The following ZFPM2 variants were observed in gnomAD, a reference collection of about 807,000 sequenced individuals.
ZFPM2 encodes the protein zinc finger protein ZFPM2.
ZFPM2 carries 20 observed loss-of-function variants against 98.6 expected under a neutral mutation model. The ratio of observed to expected loss-of-function variants is 0.20; its 90% CI spans 0.14 to 0.29. ZFPM2 has a LOEUF of 0.29. Ranked by LOEUF, ZFPM2 falls within the 10% of genes least tolerant of loss-of-function variation. The pLI is 1.00. For synonymous variants in ZFPM2, 518 were observed against 502.7 expected, an observed-to-expected ratio of 1.03 and a Z score of -0.41; for missense variants, 1,310 against 1,388.6, an observed-to-expected ratio of 0.94 and a Z score of 0.90.
chr8:105,414,878 AT>A (rs148437526), intron 1 of ZFPM2: 13,198 of 152,172 alleles, frequency 0.087, 696 homozygotes, highest in South Asian at 0.15. Flanking sequence ...ACTGCAGATC[AT>A]TGAAACAACC....
rs183174499 is a variant in ZFPM2, at chr8:105,713,189, C to T, written c.533-75529C>T. Reference sequence around the variant, plus strand: ...ATTCCTTTTTTCTTCATAGTCTCCCCGGCATGTTATTTTTTGACTTTTTAA... The same window carrying T: ...ATTCCTTTTTTCTTCATAGTCTCCCTGGCATGTTATTTTTTGACTTTTTAA... On this transcript the variant is annotated intron_variant, in intron 5 of 7. Coordinates refer to ENST00000407775, the MANE Select transcript of ZFPM2 (RefSeq NM_012082.4). 5.3e-5 allele frequency among the ~76,000 whole-genome samples: 8 copies of T among 151,948 alleles called. No homozygotes were observed. In the East Asian group the frequency reaches 5.8e-4, roughly 11 times the overall value.
chr8:105,651,331 G>C (rs770527202), intron 5 of ZFPM2, among the ~76,000 whole-genome samples: 1 of 151,990 alleles, frequency 6.6e-6, no homozygotes, highest in African/African-American at 2.4e-5. Flanking sequence ...AGCCGGGTGT[G>C]GTGGCGGGCA....
intron 4 of ZFPM2, among the ~76,000 whole-genome samples, chr8:105,631,183 A>C (rs1179372787): frequency 6.6e-6 from 1 of 152,184 alleles, no homozygotes. Context: ...CCCTTATTCC[A>C]TCTCCCTAAA....
chr8:105,375,507 G>A (rs1047899803), intron 1 of ZFPM2, among the ~76,000 whole-genome samples: 17 of 152,098 alleles, frequency 1.1e-4, no homozygotes, highest in Admixed American at 2.0e-4. Context: ...AGAGAGAATC[G>A]CACCTTTCTC....
Position 105,318,830 on chromosome 8 carries a change from G to C in ZFPM2, c.-112G>C. 6.9e-6 allele frequency: 4 copies of C among 583,354 alleles called. No homozygotes were observed. Among genetic ancestry groups the C allele is most frequent in the Non-Finnish European group, 8.6e-6 (4 of 466,444 alleles). 36.1% of individuals were successfully genotyped at this position (583,354 alleles called of 1,614,324 possible). A position where few individuals can be genotyped will look rare whatever the true frequency, so the allele number is the denominator to read the frequency against. ...GAGCACCTGGAGTCCGGCCGGCGGC[G>C]GGCCGAGCCTGGCCAGCGGCGGCGG... is the stretch of plus-strand genomic sequence containing the variant. On this transcript the variant is annotated 5_prime_UTR_variant, in exon 1 of 8. Coordinates refer to ENST00000407775, the MANE Select transcript of ZFPM2 (RefSeq NM_012082.4).
At chr8:105,642,890 T>G (rs1045545638) in intron 5 of ZFPM2, among the ~76,000 whole-genome samples, 1 of 152,218 alleles carries the variant, frequency 6.6e-6, no homozygotes, top group African/African-American at 2.4e-5. Context: ...GGTTAAAATG[T>G]GTGCCTAAAA....
At chr8:105,446,039 G>C (rs1387570542) in intron 3 of ZFPM2, among the ~76,000 whole-genome samples, 1 of 151,768 alleles carries the variant, frequency 6.6e-6, no homozygotes, top group East Asian at 1.9e-4. Context: ...TCCTGCCTCA[G>C]CCTCCCAAGT....
At chr8:105,675,514 T>C (rs974024355) in intron 5 of ZFPM2, among the ~76,000 whole-genome samples, 5 of 152,168 alleles carry the variant, frequency 3.3e-5, no homozygotes, top group African/African-American at 1.2e-4. Flanking sequence ...CTCCTTGAGA[T>C]GGCCTGAACA....
intron 4 of ZFPM2, among the ~76,000 whole-genome samples, chr8:105,591,667 T>C (rs1815847285): frequency 6.6e-6 from 1 of 152,186 alleles, no homozygotes; most frequent in African/African-American, 2.4e-5. Flanking sequence ...TATAGTCATA[T>C]TCATATTGCT....
At chr8:105,635,218 T>A (rs1376421151) in intron 5 of ZFPM2, among the ~76,000 whole-genome samples, 4 of 152,190 alleles carry the variant, frequency 2.6e-5, no homozygotes, top group Non-Finnish European at 4.4e-5. Flanking sequence ...AGATCAAAGA[T>A]GTATTTGCAC....
At chr8:105,562,582 T>C (rs1815163027) in intron 4 of ZFPM2, among the ~76,000 whole-genome samples, 1 of 152,028 alleles carries the variant, frequency 6.6e-6, no homozygotes, top group South Asian at 2.1e-4. Flanking sequence ...GGAGAATCTG[T>C]TTTCTTCCTT....
At chr8:105,383,468 C>A (rs2880446) in intron 1 of ZFPM2, among the ~76,000 whole-genome samples, 84,143 of 151,956 alleles carry the variant, frequency 0.55, 23,496 homozygotes, top group Middle Eastern at 0.6. Flanking sequence ...TTTTGTTCTT[C>A]TGTTTTAATA....
intron 6 of ZFPM2, among the ~76,000 whole-genome samples, chr8:105,790,276 A>C: frequency 6.6e-6 from 1 of 150,850 alleles, no homozygotes; most frequent in Non-Finnish European, 1.5e-5. Context: ...GGTGTAAGGA[A>C]GGGATCCAGT....
intron 5 of ZFPM2, among the ~76,000 whole-genome samples, chr8:105,723,468 A>G (rs1488425732): frequency 1.3e-5 from 2 of 152,000 alleles, no homozygotes; most frequent in East Asian, 1.9e-4. Context: ...GACTATTTCA[A>G]CAATTCTGGT....
intron 3 of ZFPM2, among the ~76,000 whole-genome samples, chr8:105,447,171 T>C (rs1812391105): frequency 6.6e-6 from 1 of 151,872 alleles, no homozygotes. Flanking sequence ...CATATGCCCA[T>C]GAATATATAC....
At chr8:105,632,362 A>G (rs572861241) in intron 4 of ZFPM2, among the ~76,000 whole-genome samples, 3 of 152,070 alleles carry the variant, frequency 2.0e-5, no homozygotes, top group Non-Finnish European at 4.4e-5. Context: ...TAGAGACGGG[A>G]TTTCACTATG....
chr8:105,428,250 G>C (rs1256675019), intron 2 of ZFPM2, among the ~76,000 whole-genome samples: 2 of 152,214 alleles, frequency 1.3e-5, no homozygotes, highest in Admixed American at 1.3e-4. Flanking sequence ...TACTGTACAC[G>C]ATGTGTCAGT....
At chr8:105,707,635 G>A (rs912018425) in intron 5 of ZFPM2, among the ~76,000 whole-genome samples, 12 of 152,174 alleles carry the variant, frequency 7.9e-5, no homozygotes, top group Non-Finnish European at 1.5e-4. Context: ...TTTATAACAA[G>A]ATAAGGAATC....
At chr8:105,396,965 C>A (rs2343405) in intron 1 of ZFPM2, among the ~76,000 whole-genome samples, 52,602 of 151,996 alleles carry the variant, frequency 0.35, 10,994 homozygotes, top group African/African-American at 0.59. Flanking sequence ...TTTCTGATTA[C>A]ATGTAAATGT....
Sources: gnomAD v4.1 joint callset for allele counts (sites outside exome capture counted in the v4.1 genomes callset) on GRCh38, gnomAD v4.1.1 for gene constraint, MANE v1.5 for transcripts, NCBI Gene and HGNC (gene_info 2026-07-23, HGNC 2026-07-21) for gene names.